The following PPP2R2C variants were observed in gnomAD, a reference collection of about 807,000 sequenced individuals.
PPP2R2C encodes the protein protein phosphatase 2 regulatory subunit Bgamma.
In PPP2R2C, 10 loss-of-function variants were observed where a neutral mutation model predicts 45.3. The ratio of observed to expected loss-of-function variants is 0.22; its 90% CI spans 0.14 to 0.37. The LOEUF (loss-of-function observed/expected upper bound fraction) is 0.37, where lower values mean the gene tolerates loss of function less well. PPP2R2C is among the 10% of genes least tolerant of loss of function. The probability of loss-of-function intolerance (pLI) is 1.00; values close to 1 mark genes in which losing one functional copy is unlikely to be tolerated. For synonymous variants in PPP2R2C, 257 were observed against 245.4 expected (o/e 1.05, Z -0.44); for missense variants, 308 against 619.7 (o/e 0.50, Z 5.34).
intron 1 of PPP2R2C, among the ~76,000 whole-genome samples, chr4:6,417,897 A>C (rs988930933): frequency 9.9e-5 from 15 of 152,146 alleles, no homozygotes; most frequent in African/African-American, 3.6e-4. Context: ...GATTTCTGTC[A>C]TTTGACCCAA....
At chr4:6,410,730 G>C (rs1292483086) in intron 1 of PPP2R2C, among the ~76,000 whole-genome samples, 6 of 152,010 alleles carry the variant, frequency 3.9e-5, no homozygotes, top group Non-Finnish European at 7.4e-5. Context: ...CAGTGAGCCT[G>C]GCCAGGTCAC....
At chr4:6,468,220 A>C (rs1041501503) in intron 1 of PPP2R2C, among the ~76,000 whole-genome samples, 9 of 152,172 alleles carry the variant, frequency 5.9e-5, no homozygotes, top group African/African-American at 2.2e-4. Flanking sequence ...AGTAGATGGT[A>C]TCCAGGGCAC....
intron 6 of PPP2R2C, among the ~76,000 whole-genome samples, chr4:6,339,978 C>G (rs1199834072): frequency 6.6e-6 from 1 of 152,070 alleles, no homozygotes; most frequent in African/African-American, 2.4e-5. Flanking sequence ...TCCTGGGTTC[C>G]AGGTGATGCC....
rs897051262 is a variant in PPP2R2C at position 6,345,723 on chromosome 4, CT to C, written c.790+2122del. 6.6e-6 allele frequency among the ~76,000 whole-genome samples: 1 copy of C among 152,122 alleles called. No homozygotes were observed. Among genetic ancestry groups the C allele is most frequent in the Non-Finnish European group, 1.5e-5 (1 of 68,022 alleles). On this transcript the variant is annotated intron_variant, in intron 6 of 8. Coordinates refer to ENST00000382599, the MANE Select transcript of PPP2R2C (RefSeq NM_020416.4). The surrounding 1 kb of genome is among the most constrained non-coding windows in gnomAD (Gnocchi z 5.3). Reference sequence around the variant, plus strand: ...TATGGCCAGTGAGCTGGCTGTGGGACTGCGGACTGAGACTATACATATGCCC... The same window carrying C: ...TATGGCCAGTGAGCTGGCTGTGGGACGCGGACTGAGACTATACATATGCCC...
At chr4:6,444,787 T>G (rs1720332823) in intron 1 of PPP2R2C, among the ~76,000 whole-genome samples, 1 of 152,188 alleles carries the variant, frequency 6.6e-6, no homozygotes, top group Non-Finnish European at 1.5e-5. Flanking sequence ...ACTTTGACAG[T>G]GTAACAATCT....
rs191464616 is a variant in PPP2R2C at position 6,337,805 on chromosome 4, G to A, written c.791-4074C>T. Among the ~76,000 whole-genome samples the A allele has an allele frequency of 5.3e-3, 621 of 117,764 alleles. 6 individuals carry two copies. Among genetic ancestry groups the A allele is most frequent in the African/African-American group, 0.014 (550 of 39,738 alleles). 77.3% of individuals were successfully genotyped at this position (117,764 alleles called of 152,430 possible). On this transcript the variant is annotated intron_variant, in intron 6 of 8. Coordinates refer to ENST00000382599, the MANE Select transcript of PPP2R2C (RefSeq NM_020416.4). The stretch of plus-strand genomic sequence containing the variant: ...CGGCGCTGGCCCTTGTCGCCCCACT[G>A]CTGGCTGTACTCGGGCATTTCTGAG...
intron 7 of PPP2R2C, among the ~76,000 whole-genome samples, chr4:6,333,143 G>A (rs770392724): frequency 5.9e-5 from 9 of 152,166 alleles, no homozygotes; most frequent in Non-Finnish European, 8.8e-5. Flanking sequence ...TCACCTCTGC[G>A]TGCACTGCTT....
chr4:6,542,709 A>AAAAAAAAAAAAAAAAAAAAAAAG (rs112182178), intron 1 of PPP2R2C, among the ~76,000 whole-genome samples: 1 of 127,782 alleles, frequency 7.8e-6, no homozygotes, highest in South Asian at 2.4e-4. Context: ...TCTCAAAAAA[A>AAAAAAAAAAAAAAAAAAAAAAAG]AAAAAGAAAA....
chr4:6,541,750 A>G (rs1185571432), intron 1 of PPP2R2C, among the ~76,000 whole-genome samples: 1 of 152,118 alleles, frequency 6.6e-6, no homozygotes, highest in Non-Finnish European at 1.5e-5. Context: ...GGCTGGTCTC[A>G]AACTCCTAGC....
rs941102346 is a variant in PPP2R2C, at chr4:6,452,496, C to T, written c.70+19664G>A. Among the ~76,000 whole-genome samples, 29 of 152,310 alleles carry T rather than the reference C, an allele frequency of 1.9e-4. 1 individual carries two copies. Among genetic ancestry groups the T allele is most frequent in the Admixed American group, 5.9e-4 (9 of 15,302 alleles). On this transcript the variant is annotated intron_variant, in intron 1 of 8. Coordinates refer to ENST00000382599, the MANE Select transcript of PPP2R2C (RefSeq NM_020416.4). The stretch of plus-strand genomic sequence containing the variant: ...CTTCCAGAGAAGACACTGGCATTTG[C>T]GGCCCCAAGATAGAGTCCCCATTTC...
chr4:6,515,595 A>G (rs1005210047), intron 2 of PPP2R2C, among the ~76,000 whole-genome samples: 1 of 152,248 alleles, frequency 6.6e-6, no homozygotes, highest in African/African-American at 2.4e-5. Context: ...TAACGTGCTT[A>G]CAAGAATGCC....
At chr4:6,325,657 C>T (rs1488035096) in intron 8 of PPP2R2C, among the ~76,000 whole-genome samples, 1 of 152,198 alleles carries the variant, frequency 6.6e-6, no homozygotes, top group African/African-American at 2.4e-5. Flanking sequence ...TCAGCTGACA[C>T]GTGCTCTGGG....
intron 1 of PPP2R2C, among the ~76,000 whole-genome samples, chr4:6,388,212 C>T (rs1716365811): frequency 6.6e-6 from 1 of 152,180 alleles, no homozygotes; most frequent in Non-Finnish European, 1.5e-5. Context: ...ACAGGAGCCA[C>T]TGAACAAGGA....
At chr4:6,391,520 G>C (rs182985000) in intron 1 of PPP2R2C, among the ~76,000 whole-genome samples, 3 of 152,208 alleles carry the variant, frequency 2.0e-5, no homozygotes, top group Non-Finnish European at 4.4e-5. Flanking sequence ...GCCGGCAGAT[G>C]ATGAGTTACA....
intron 6 of PPP2R2C, among the ~76,000 whole-genome samples, chr4:6,338,185 ACT>A (rs1409485702): frequency 6.6e-6 from 1 of 151,990 alleles, no homozygotes; most frequent in African/African-American, 2.4e-5. Context: ...AGCCCCCATC[ACT>A]TGTGATGGGC....
intron 8 of PPP2R2C, among the ~76,000 whole-genome samples, chr4:6,326,794 C>A (rs7654138): frequency 0.015 from 2,307 of 152,338 alleles, 55 homozygotes; most frequent in African/African-American, 0.052. Context: ...TGCCCATCTG[C>A]GTTCTGCCGG....
At position 6,328,019 on chromosome 4, in the gene PPP2R2C, T is replaced by C. The variant is rs1360723413; in HGVS notation, c.1052+1243A>G. Among the ~76,000 whole-genome samples, 1 of 152,114 alleles carries C rather than the reference T, an allele frequency of 6.6e-6. No homozygotes were observed. Among genetic ancestry groups the C allele is most frequent in the African/African-American group, 2.4e-5 (1 of 41,428 alleles). On this transcript the variant is annotated intron_variant, in intron 8 of 8. Coordinates refer to ENST00000382599, the MANE Select transcript of PPP2R2C (RefSeq NM_020416.4). The surrounding 1 kb of genome is among the most constrained non-coding windows in gnomAD (Gnocchi z 4.4). ...ACCAACCCTGATGGTCCCAGCCCTA[T>C]GCCCAGAGCCACAGAGAGTCATAGT... is the stretch of plus-strand genomic sequence containing the variant.
intron 1 of PPP2R2C, among the ~76,000 whole-genome samples, chr4:6,430,793 T>C (rs916777581): frequency 6.6e-6 from 1 of 152,036 alleles, no homozygotes; most frequent in African/African-American, 2.4e-5. Context: ...GTTGTGGTGG[T>C]AGGCACCTGT....
chr4:6,493,732 C>T (rs1169103972), intron 2 of PPP2R2C, among the ~76,000 whole-genome samples: 2 of 152,074 alleles, frequency 1.3e-5, no homozygotes, highest in Non-Finnish European at 2.9e-5. Flanking sequence ...CCTGGCTTCG[C>T]CCTCATTGCT....
Sources: gnomAD v4.1 joint callset for allele counts (sites outside exome capture counted in the v4.1 genomes callset) on GRCh38, gnomAD v4.1.1 for gene constraint, Gnocchi (gnomAD v3.1) non-coding constraint, MANE v1.5 for transcripts, NCBI Gene and HGNC (gene_info 2026-07-23, HGNC 2026-07-21) for gene names.